TGM4: variants seen among roughly 807,000 people sequenced by gnomAD.
TGM4 encodes transglutaminase 4, also known as protein-glutamine gamma-glutamyltransferase 4.
In TGM4, 61 loss-of-function variants were observed where a neutral mutation model predicts 76.3. The ratio of observed to expected loss-of-function variants is 0.80; its 90% CI spans 0.65 to 0.99. The LOEUF is 0.99. Ranked by LOEUF, TGM4 falls within the 50% of genes least tolerant of loss-of-function variation. The pLI is 0.00. For synonymous variants in TGM4, 337 were observed against 329.8 expected, an observed-to-expected ratio of 1.02 and a Z score of -0.24; for missense variants, 794 against 843.2, an observed-to-expected ratio of 0.94 and a Z score of 0.72.
chr3:44,899,387 C>G (rs900137343), intron 6 of TGM4: 1 of 152,252 alleles, frequency 6.6e-6, no homozygotes, highest in Non-Finnish European at 1.5e-5. Context: ...ATGGGCAATT[C>G]AGAACTCCAA....
At chr3:44,901,345 A>G (rs1699849727) in intron 6 of TGM4, among the ~76,000 whole-genome samples, 179 bp from the exon 7 acceptor site, 2 of 152,210 alleles carry the variant, frequency 1.3e-5, no homozygotes, top group South Asian at 4.1e-4. Flanking sequence ...GGTCACTCAA[A>G]CAGCTGGCAT....
At chr3:44,893,778 T>C in intron 5 of TGM4, 83 bp downstream of exon 5, 1 of 1,285,602 alleles carries the variant, frequency 7.8e-7, no homozygotes, top group African/African-American at 1.5e-5. Context: ...GTAAAGGTTC[T>C]GGAGAAAGGG....
chr3:44,892,430 G>A (rs926104580), intron 4 of TGM4, among the ~76,000 whole-genome samples: 1 of 147,290 alleles, frequency 6.8e-6, no homozygotes, highest in Non-Finnish European at 1.5e-5. Context: ...TGGCGCAATG[G>A]TGCGATCTTG....
rs756713298 is a variant in TGM4, at chr3:44,901,488, G to A, written c.658-36G>A. The A allele has an allele frequency of 5.1e-6, 8 of 1,565,036 alleles. No homozygotes were observed. The East Asian group carries it at 1.2e-4, about 23-fold the overall frequency. Reference sequence around the variant, plus strand: ...GCTGGCAGCACCTTGTTCTTCTGAGGGGCGGACACTGACCCCACCCCTACG... The same window carrying A: ...GCTGGCAGCACCTTGTTCTTCTGAGAGGCGGACACTGACCCCACCCCTACG... On this transcript the variant is annotated intron_variant, in intron 6 of 13. Coordinates refer to ENST00000296125, the MANE Select transcript of TGM4 (RefSeq NM_003241.4).
At chr3:44,893,901 A>T (rs1374583178) in intron 5 of TGM4, among the ~76,000 whole-genome samples, 1 of 141,492 alleles carries the variant, frequency 7.1e-6, no homozygotes, top group Non-Finnish European at 1.5e-5. Flanking sequence ...CCCTTCCACA[A>T]AGGTCACCCA....
chr3:44,880,786 C>T (rs1276109034), intron 1 of TGM4, among the ~76,000 whole-genome samples: 2 of 152,036 alleles, frequency 1.3e-5, no homozygotes, highest in Admixed American at 6.6e-5. Flanking sequence ...TTATTCTCAC[C>T]CAGACCTTTC....
intron 10 of TGM4, among the ~76,000 whole-genome samples, chr3:44,907,708 T>C (rs947844332): frequency 1.3e-5 from 2 of 152,184 alleles, no homozygotes; most frequent in African/African-American, 4.8e-5. Context: ...CTTTCACCCC[T>C]GGCCAAACCT....
At chr3:44,881,903 G>T (rs549156052) in intron 1 of TGM4, among the ~76,000 whole-genome samples, 1 of 152,200 alleles carries the variant, frequency 6.6e-6, no homozygotes, top group Non-Finnish European at 1.5e-5. Flanking sequence ...CCCACACATT[G>T]GTGGCAAGAA....
chr3:44,911,813 T>C (rs904955819), intron 13 of TGM4, among the ~76,000 whole-genome samples: 2 of 152,216 alleles, frequency 1.3e-5, no homozygotes, highest in Non-Finnish European at 2.9e-5. Flanking sequence ...CAGTTTTGTA[T>C]TCAATTTTTT....
Position 44,885,408 on chromosome 3 carries a change from G to C in TGM4, c.103G>C (p.Val35Leu). ...ATGGGAGTTCCAAACGAGCAGTCCT[G>C]TGTTCCGGCGAGGACAGGTGTTTCA... ...HTWEFQTSSPVFRRGQVFHLR... is the reference protein window; with the variant it reads ...HTWEFQTSSPLFRRGQVFHLR... The change falls in exon 2 of 14, where the codon GTG (valine) becomes CTG (leucine). Residue 35 changes from valine to leucine, a missense_variant. Transcript: ENST00000296125. 6.2e-7 allele frequency: 1 copy of C among 1,613,982 alleles called. No homozygotes were observed. Among genetic ancestry groups the C allele is most frequent in the Admixed American group, 1.7e-5 (1 of 60,020 alleles).
Position 44,914,447 on chromosome 3 carries a change from C to T in TGM4, c.*722C>T, listed in dbSNP as rs971124573. 2 of 152,146 alleles carry T rather than the reference C, an allele frequency of 1.3e-5. No homozygotes were observed. The highest frequency in any genetic ancestry group is 2.9e-5 in the Non-Finnish European group (2 of 68,036). The allele number at this position is 152,146 out of a possible 1,614,324, so 9.4% of individuals were successfully genotyped here. A position where few individuals can be genotyped will look rare whatever the true frequency, so the allele number is the denominator to read the frequency against. On this transcript the variant is annotated 3_prime_UTR_variant, in exon 14 of 14. Transcript: ENST00000296125. Reference sequence around the variant, plus strand: ...AGACTCCAGGGAGAAGGCATTGCTTCCTCCCTGGTGTGAACTCTTTCTTTG... The same window carrying T: ...AGACTCCAGGGAGAAGGCATTGCTTTCTCCCTGGTGTGAACTCTTTCTTTG...
At chr3:44,895,801 A>G (rs1699771484) in intron 5 of TGM4, among the ~76,000 whole-genome samples, 1 of 152,186 alleles carries the variant, frequency 6.6e-6, no homozygotes. Flanking sequence ...AAATATACAG[A>G]TATTTATGGA....
At chr3:44,904,502 G>A (rs1006346245) in intron 9 of TGM4, among the ~76,000 whole-genome samples, 4 of 152,222 alleles carry the variant, frequency 2.6e-5, no homozygotes, top group East Asian at 1.9e-4. Context: ...GGACCTTGCC[G>A]GGGGACAAGG....
At chr3:44,897,377 G>C (rs1699794571) in intron 6 of TGM4, among the ~76,000 whole-genome samples, 2 of 152,216 alleles carry the variant, frequency 1.3e-5, no homozygotes, top group African/African-American at 4.8e-5. Flanking sequence ...GGCTTCAACT[G>C]TCTGAGCCTC....
At chr3:44,890,868 A>G (rs1699684272) in intron 4 of TGM4, 136 bp downstream of exon 4, 11 of 1,126,390 alleles carry the variant, frequency 9.8e-6, no homozygotes, top group Non-Finnish European at 1.4e-5. Context: ...ACCCAGGAAC[A>G]GATCACAGAC....
rs1393206647 is a variant in TGM4, at chr3:44,896,751, G to A, written c.592G>A (p.Glu198Lys). 1 of 1,614,186 alleles carries A rather than the reference G, an allele frequency of 6.2e-7. No individual in the cohort carries two copies. The highest frequency in any genetic ancestry group is 1.6e-4 in the Middle Eastern group (1 of 6,062). The change falls in exon 6 of 14, where the codon GAG becomes AAG. Residue 198 changes from glutamate to lysine, a missense_variant. Physicochemically the swap from Glu to Lys is moderately conservative, Grantham distance 56. Transcript: ENST00000296125. ...VLDCCISLLT[E>K]SSLKPTDRRD... ...GGACTGCTGCATTTCCCTGCTGACTGAGAGCTCCCTCAAGCCCACAGATAG... is the reference window on the plus strand; with the variant it reads ...GGACTGCTGCATTTCCCTGCTGACTAAGAGCTCCCTCAAGCCCACAGATAG...
At chr3:44,892,334 A>G (rs1699712224) in intron 4 of TGM4, among the ~76,000 whole-genome samples, 1 of 150,682 alleles carries the variant, frequency 6.6e-6, no homozygotes, top group East Asian at 2.0e-4. Flanking sequence ...TCTACTATCT[A>G]TATTCCAGTT....
intron 1 of TGM4, among the ~76,000 whole-genome samples, chr3:44,879,265 C>CTATA (rs57611128): frequency 0.02 from 1,869 of 92,112 alleles, 29 homozygotes; most frequent in Non-Finnish European, 0.026. Context: ...CTCTCTCTCT[C>CTATA]TATATATATA....
chr3:44,889,358 T>A (rs1699657652), intron 3 of TGM4, among the ~76,000 whole-genome samples: 1 of 145,940 alleles, frequency 6.9e-6, no homozygotes, highest in Non-Finnish European at 1.5e-5. Context: ...GTGCTGGACA[T>A]CTTGCAGCCT....
Sources: gnomAD v4.1 joint callset for allele counts (sites outside exome capture counted in the v4.1 genomes callset) on GRCh38, gnomAD v4.1.1 for gene constraint, MANE v1.5 for transcripts, NCBI Gene and HGNC (gene_info 2026-07-23, HGNC 2026-07-21) for gene names.